Variants in SCLT1 observed in about 807,000 individuals in gnomAD.
The protein encoded by SCLT1 is sodium channel and clathrin linker 1.
SCLT1 carries 78 observed loss-of-function variants against 112.8 expected under a neutral mutation model. The observed-to-expected ratio is 0.69, with a 90% CI of 0.58 to 0.83. SCLT1 has a LOEUF of 0.83. Ranked by LOEUF, SCLT1 falls within the 40% of genes least tolerant of loss-of-function variation. SCLT1 has a pLI of 0.00. For missense variants in SCLT1, 747 were observed against 770.4 expected (o/e 0.97, Z 0.36); for synonymous variants, 257 against 254.7 (o/e 1.01, Z -0.09).
At chr4:128,978,432 AAAAAC>A (rs1023632581) in intron 9 of SCLT1, among the ~76,000 whole-genome samples, 5 of 151,936 alleles carry the variant, frequency 3.3e-5, no homozygotes, top group African/African-American at 7.3e-5. Flanking sequence ...AAAAGAAGCA[AAAAAC>A]AAAACAAAAC....
chr4:128,964,932 A>T (rs906923945), intron 11 of SCLT1, among the ~76,000 whole-genome samples: 2 of 152,232 alleles, frequency 1.3e-5, no homozygotes, highest in African/African-American at 4.8e-5. Context: ...TTTCCTAAAA[A>T]GTACTGGACT....
At chr4:128,883,371 C>T (rs138643431), downstream of SCLT1, among the ~76,000 whole-genome samples, 64 of 151,824 alleles carry the variant, frequency 4.2e-4, 1 homozygote, top group African/African-American at 1.3e-3. Context: ...CTCAGCTCCA[C>T]GCAGAAGACT....
At chr4:128,985,087 A>G (rs1349271497) in intron 9 of SCLT1, among the ~76,000 whole-genome samples, 1 of 152,126 alleles carries the variant, frequency 6.6e-6, no homozygotes, top group East Asian at 1.9e-4. Flanking sequence ...CACAGGATGT[A>G]ATTATCACAT....
At chr4:128,902,066 C>A (rs1208433223) in intron 18 of SCLT1, among the ~76,000 whole-genome samples, 1 of 151,752 alleles carries the variant, frequency 6.6e-6, no homozygotes, top group African/African-American at 2.4e-5. Flanking sequence ...GCTAATCTTG[C>A]CTGGCTAATC....
intron 3 of SCLT1, among the ~76,000 whole-genome samples, chr4:128,877,465 A>G (rs1054148364): frequency 8.5e-5 from 13 of 152,166 alleles, no homozygotes; most frequent in Non-Finnish European, 1.8e-4. Flanking sequence ...GCAGATCACG[A>G]GGTCAGTAGT....
At chr4:128,994,989 T>C (rs1339675589) in intron 8 of SCLT1, among the ~76,000 whole-genome samples, 1 of 152,156 alleles carries the variant, frequency 6.6e-6, no homozygotes, top group Non-Finnish European at 1.5e-5. Context: ...CTTTTCACTC[T>C]GCTGGTTTCG....
At chr4:128,985,231 C>A (rs925192974) in intron 9 of SCLT1, among the ~76,000 whole-genome samples, 2 of 151,964 alleles carry the variant, frequency 1.3e-5, no homozygotes, top group Non-Finnish European at 2.9e-5. Context: ...GAACTTTATT[C>A]TCTTGTAATA....
At chr4:129,026,327 G>T (rs906304972) in intron 5 of SCLT1, among the ~76,000 whole-genome samples, 1 of 152,002 alleles carries the variant, frequency 6.6e-6, no homozygotes, top group Non-Finnish European at 1.5e-5. Context: ...AAATGTAAAA[G>T]AACGGAAATT....
At chr4:129,075,235 T>C (rs190863072) in intron 2 of SCLT1, among the ~76,000 whole-genome samples, 1 of 152,312 alleles carries the variant, frequency 6.6e-6, no homozygotes, top group African/African-American at 2.4e-5. Context: ...TCTTTTCCTC[T>C]ATCCTTTGGA....
At chr4:128,983,587 G>A (rs1015418316) in intron 9 of SCLT1, among the ~76,000 whole-genome samples, 3 of 152,104 alleles carry the variant, frequency 2.0e-5, no homozygotes, top group Admixed American at 6.5e-5. Context: ...GTTGTTCTGC[G>A]GGAAACAGCA....
At chr4:128,965,871 G>A (rs1476540363) in intron 10 of SCLT1, among the ~76,000 whole-genome samples, 3 of 133,032 alleles carry the variant, frequency 2.3e-5, no homozygotes, top group East Asian at 2.2e-4. Context: ...TCACCCTGTC[G>A]TCCAGGCTGC....
chr4:128,966,803 A>G (rs943056444), intron 10 of SCLT1, among the ~76,000 whole-genome samples: 1 of 150,500 alleles, frequency 6.6e-6, no homozygotes, highest in Non-Finnish European at 1.5e-5. Flanking sequence ...TTTTTTCTTC[A>G]GCATTTGAAA....
intron 18 of SCLT1, among the ~76,000 whole-genome samples, chr4:128,896,981 A>G (rs1733820804): frequency 1.3e-5 from 2 of 152,200 alleles, no homozygotes; most frequent in African/African-American, 4.8e-5. Context: ...AGAAAAAAGA[A>G]TAAAAAGAAA....
At chr4:129,004,844 C>T (rs1290125153) in intron 5 of SCLT1, among the ~76,000 whole-genome samples, 1 of 151,412 alleles carries the variant, frequency 6.6e-6, no homozygotes, top group East Asian at 2.0e-4. Flanking sequence ...ATTAATTACT[C>T]TGAAGAAAGG....
intron 2 of SCLT1, among the ~76,000 whole-genome samples, chr4:129,065,156 T>C (rs1750366409): frequency 6.6e-6 from 1 of 152,106 alleles, no homozygotes; most frequent in Non-Finnish European, 1.5e-5. Flanking sequence ...TGAAGTTGGG[T>C]ATAGAAGTAT....
chr4:128,976,533 C>T (rs1318113931), intron 9 of SCLT1, among the ~76,000 whole-genome samples: 1 of 152,054 alleles, frequency 6.6e-6, no homozygotes, highest in East Asian at 1.9e-4. Flanking sequence ...TAATGTGGTA[C>T]AAAACACACA....
At chr4:128,892,857 A>G (rs1208097509) in intron 18 of SCLT1, among the ~76,000 whole-genome samples, 1 of 152,212 alleles carries the variant, frequency 6.6e-6, no homozygotes, top group East Asian at 1.9e-4. Context: ...AAACCAAAAT[A>G]TATTGTTTTA....
chr4:128,960,926 C>CAAAAA (rs34599122), intron 11 of SCLT1, among the ~76,000 whole-genome samples: 13 of 52,454 alleles, frequency 2.5e-4, no homozygotes, highest in African/African-American at 2.5e-4. Context: ...GACTCCGTCT[C>CAAAAA]AAAAAAAAAA....
At chr4:128,892,434 C>G (rs528622202) in intron 18 of SCLT1, among the ~76,000 whole-genome samples, 1 of 152,252 alleles carries the variant, frequency 6.6e-6, no homozygotes, top group African/African-American at 2.4e-5. Context: ...ATCCTTGATT[C>G]AGTATTGGCT....
Sources: gnomAD v4.1 joint callset for allele counts (sites outside exome capture counted in the v4.1 genomes callset) on GRCh38, gnomAD v4.1.1 for gene constraint, MANE v1.5 for transcripts, NCBI Gene and HGNC (gene_info 2026-07-23, HGNC 2026-07-21) for gene names.